STX18: variants seen among roughly 807,000 people sequenced by gnomAD.
The protein encoded by STX18 is syntaxin-18.
STX18 carries 40 observed loss-of-function variants against 50.1 expected under a neutral mutation model. The ratio of observed to expected loss-of-function variants is 0.80; its 90% CI spans 0.62 to 1.04. The LOEUF (loss-of-function observed/expected upper bound fraction) is 1.04. Ranked by LOEUF, STX18 falls within the 50% of genes least tolerant of loss-of-function variation. The pLI, the probability that STX18 is intolerant of heterozygous loss-of-function variation, is 0.00. For synonymous variants in STX18, 158 were observed against 151.8 expected, an observed-to-expected ratio of 1.04 and a Z score of -0.30; for missense variants, 410 against 415.8, an observed-to-expected ratio of 0.99 and a Z score of 0.12.
intron 7 of STX18, among the ~76,000 whole-genome samples, chr4:4,427,339 C>T (rs1442983589): frequency 6.6e-6 from 1 of 152,208 alleles, no homozygotes. Flanking sequence ...CACAGAATTG[C>T]TTATGGCCCC....
chr4:4,539,580 C>T (rs1264575933), intron 1 of STX18, among the ~76,000 whole-genome samples: 1 of 152,212 alleles, frequency 6.6e-6, no homozygotes, highest in African/African-American at 2.4e-5. Flanking sequence ...CTGAACAACA[C>T]AGCCCATGAA....
At chr4:4,441,605 T>C (rs1207883069) in intron 5 of STX18, among the ~76,000 whole-genome samples, 3 of 151,990 alleles carry the variant, frequency 2.0e-5, no homozygotes, top group Admixed American at 6.6e-5. Context: ...CAAAAAAGAT[T>C]CCTGAAAGAC....
At chr4:4,517,681 AT>A (rs1306295312) in intron 1 of STX18, among the ~76,000 whole-genome samples, 1 of 152,202 alleles carries the variant, frequency 6.6e-6, no homozygotes, top group Non-Finnish European at 1.5e-5. Flanking sequence ...AAAACCACTA[AT>A]TTCAAAAGAA....
intron 2 of STX18, among the ~76,000 whole-genome samples, chr4:4,460,593 C>T (rs990551037): frequency 3.3e-5 from 5 of 152,148 alleles, no homozygotes; most frequent in Admixed American, 1.3e-4. Context: ...TATCCCACGG[C>T]CCCTACCCCA....
chr4:4,521,244 T>C (rs1196645521), intron 1 of STX18, among the ~76,000 whole-genome samples: 5 of 152,210 alleles, frequency 3.3e-5, no homozygotes, highest in African/African-American at 9.6e-5. Flanking sequence ...CCCCACAGCA[T>C]GGGGTACAGG....
rs764354796 is a variant in STX18 at position 4,419,987 on chromosome 4, C to A, written c.*47G>T. Reference sequence around the variant, plus strand: ...CTGGAAGTACATGAAAGCACGCAGTCTGTGAGTGCCCATGAGGACTCTCGT... The same window carrying A: ...CTGGAAGTACATGAAAGCACGCAGTATGTGAGTGCCCATGAGGACTCTCGT... On this transcript the variant is annotated 3_prime_UTR_variant, in exon 11 of 11. Transcript: ENST00000306200. The A allele has an allele frequency of 1.3e-6, 2 of 1,493,850 alleles. No homozygotes were observed. Among genetic ancestry groups the A allele is most frequent in the African/African-American group, 1.4e-5 (1 of 72,292 alleles). The allele number at this position is 1,493,850 out of a possible 1,614,324, so 92.5% of individuals were successfully genotyped here. A position where few individuals can be genotyped will look rare whatever the true frequency, so the allele number is the denominator to read the frequency against.
chr4:4,435,162 G>A (rs1286148018), intron 6 of STX18, among the ~76,000 whole-genome samples: 4 of 152,154 alleles, frequency 2.6e-5, no homozygotes, highest in Non-Finnish European at 4.4e-5. Context: ...TATTCAGAAT[G>A]TCTTCAGAAT....
chr4:4,452,179 G>C (rs1269763803), intron 5 of STX18, among the ~76,000 whole-genome samples: 1 of 152,220 alleles, frequency 6.6e-6, no homozygotes, highest in Admixed American at 6.5e-5. Flanking sequence ...TAAGAAAGGT[G>C]AGGAAGCTGC....
At chr4:4,527,582 A>G (rs1730827659) in intron 1 of STX18, among the ~76,000 whole-genome samples, 1 of 151,942 alleles carries the variant, frequency 6.6e-6, no homozygotes, top group African/African-American at 2.4e-5. Context: ...TTGATTCAGG[A>G]TCTGATAATG....
chr4:4,481,514 G>A (rs1263025755), intron 1 of STX18: 5 of 152,134 alleles, frequency 3.3e-5, no homozygotes, highest in Admixed American at 6.6e-5. Flanking sequence ...TGTTCAGTTA[G>A]TATGCAGCCA....
intron 1 of STX18, among the ~76,000 whole-genome samples, chr4:4,505,934 G>A (rs10031649): frequency 0.15 from 23,226 of 152,174 alleles, 1,847 homozygotes; most frequent in Non-Finnish European, 0.18. Context: ...GTGGCCCTTT[G>A]TGCCTGTTTT....
At chr4:4,468,891 G>C (rs1406647002) in intron 2 of STX18, among the ~76,000 whole-genome samples, 1 of 152,112 alleles carries the variant, frequency 6.6e-6, no homozygotes, top group Non-Finnish European at 1.5e-5. Context: ...TTCTCTATTA[G>C]ATAAATGGAT....
chr4:4,506,825 T>C (rs1729730450), intron 1 of STX18, among the ~76,000 whole-genome samples: 1 of 152,242 alleles, frequency 6.6e-6, no homozygotes, highest in African/African-American at 2.4e-5. Flanking sequence ...CCAAGTATCT[T>C]ATTGTACTGT....
chr4:4,420,202 T>G lies in STX18; in HGVS notation c.913-73A>C, dbSNP rs2108765227. On this transcript the variant is annotated intron_variant, in intron 10 of 10. Transcript: ENST00000306200. This position sits in a 1 kb window ranked among gnomAD's most constrained non-coding sequence, Gnocchi z 4.3. ...TTTGAGCAGCCCTGAAATGCCCCCCTCTTCCCACGTGCTCTCCTGATCCTG... is the reference window on the plus strand; with the variant it reads ...TTTGAGCAGCCCTGAAATGCCCCCCGCTTCCCACGTGCTCTCCTGATCCTG... 2 of 1,163,618 alleles carry G rather than the reference T, an allele frequency of 1.7e-6. No individual in the cohort carries two copies. The highest frequency in any genetic ancestry group is 5.1e-5 in the East Asian group (2 of 39,216). 72.1% of individuals were successfully genotyped at this position (1,163,618 alleles called of 1,614,324 possible). A position where few individuals can be genotyped will look rare whatever the true frequency, so the allele number is the denominator to read the frequency against.
intron 1 of STX18, among the ~76,000 whole-genome samples, chr4:4,486,739 G>A (rs997062645): frequency 2.6e-5 from 4 of 152,166 alleles, no homozygotes; most frequent in South Asian, 2.1e-4. Context: ...CTTGACAAGA[G>A]GGGCGAGAGG....
intron 2 of STX18, among the ~76,000 whole-genome samples, chr4:4,465,861 T>C (rs1727595642): frequency 6.6e-6 from 1 of 152,216 alleles, no homozygotes; most frequent in South Asian, 2.1e-4. Context: ...AGCAGCTCCA[T>C]GAAGGCAGGG....
intron 7 of STX18, among the ~76,000 whole-genome samples, chr4:4,432,407 G>A (rs1011307556): frequency 1.3e-5 from 2 of 152,210 alleles, no homozygotes; most frequent in Admixed American, 1.3e-4. Context: ...CATGGCACAC[G>A]GGCAGCTATG....
intron 1 of STX18, among the ~76,000 whole-genome samples, chr4:4,527,667 G>A (rs1212393918): frequency 2.0e-5 from 3 of 151,598 alleles, no homozygotes; most frequent in Non-Finnish European, 4.4e-5. Flanking sequence ...TATTTGGAGG[G>A]AAAGTATGAA....
upstream of STX18, chr4:4,542,146 C>G: frequency 1.3e-6 from 1 of 765,036 alleles, no homozygotes; most frequent in East Asian, 3.4e-5. Flanking sequence ...AGGTTCCGGC[C>G]TCAGCCGGCG....
Sources: gnomAD v4.1 joint callset for allele counts (sites outside exome capture counted in the v4.1 genomes callset) on GRCh38, gnomAD v4.1.1 for gene constraint, Gnocchi (gnomAD v3.1) non-coding constraint, MANE v1.5 for transcripts, NCBI Gene and HGNC (gene_info 2026-07-23, HGNC 2026-07-21) for gene names.